PCDHGA4: variants seen among roughly 807,000 people sequenced by gnomAD.
PCDHGA4 encodes protocadherin gamma-A4.
A neutral mutation model predicts 54.6 loss-of-function variants in PCDHGA4; 38 were observed. That is an observed-to-expected ratio of 0.70 (90% CI 0.54 to 0.91). The LOEUF (loss-of-function observed/expected upper bound fraction) is 0.91. Ranked by LOEUF, PCDHGA4 falls within the 40% of genes least tolerant of loss-of-function variation. The pLI is 0.00. For missense variants in PCDHGA4, 1,298 were observed against 1,220.9 expected, an observed-to-expected ratio of 1.06 and a Z score of -0.94; for synonymous variants, 511 against 512.9, an observed-to-expected ratio of 1.00 and a Z score of 0.05.
intron 1 of PCDHGA4, chr5:141,378,251 G>A (rs780385993): frequency 6.6e-6 from 1 of 152,234 alleles, no homozygotes; most frequent in Non-Finnish European, 1.5e-5. Flanking sequence ...ATGGCCGGGT[G>A]CGGTGGCTCA....
intron 1 of PCDHGA4, chr5:141,422,754 C>T: frequency 1.2e-6 from 2 of 1,612,450 alleles, no homozygotes; most frequent in Non-Finnish European, 1.7e-6. Flanking sequence ...TCTCTATTAA[C>T]TCCAACACTG....
rs1307942270 is a variant in PCDHGA4 at position 141,388,326 on chromosome 5, C to A, written c.2514+30705C>A. ...GCTGCAAATAAGTGAGTCTGCACAG[C>A]CTGGCACACGATTTATATTAGGATC... On this transcript the variant is annotated intron_variant, in intron 1 of 3. Transcript: ENST00000571252. 3.7e-6 allele frequency: 6 copies of A among 1,613,760 alleles called. No homozygotes were observed. The highest frequency in any genetic ancestry group is 5.1e-6 in the Non-Finnish European group (6 of 1,179,866).
chr5:141,408,570 T>C (rs1184307323), intron 1 of PCDHGA4: 5 of 1,613,966 alleles, frequency 3.1e-6, no homozygotes, highest in East Asian at 2.2e-5. Context: ...ATTGTGGTGA[T>C]TGAGGATGTT....
chr5:141,362,067 C>T (rs1762309889), intron 1 of PCDHGA4: 3 of 1,612,358 alleles, frequency 1.9e-6, no homozygotes, highest in East Asian at 4.5e-5. Context: ...GCCTGCTGGT[C>T]GCTGTGCGTG....
intron 1 of PCDHGA4, chr5:141,399,810 C>T (rs148150333): frequency 3.9e-5 from 63 of 1,613,194 alleles, no homozygotes; most frequent in Non-Finnish European, 4.9e-5. Flanking sequence ...TGCTGTACCC[C>T]GCGCTGGGTC....
chr5:141,387,782 A>G lies in PCDHGA4; in HGVS notation c.2514+30161A>G, dbSNP rs145228594. 6.9e-3 allele frequency: 10,094 copies of G among 1,466,254 alleles called. 59 individuals are homozygous for G. The highest frequency in any genetic ancestry group is 8.3e-3 in the Non-Finnish European group (9,103 of 1,100,820). 90.8% of individuals were successfully genotyped at this position (1,466,254 alleles called of 1,614,324 possible). On this transcript the variant is annotated intron_variant, in intron 1 of 3. Transcript: ENST00000571252. ...AAGAAGAATTTTTTCTTGAACTGGA[A>G]CTGCAACTAAAGTCCGTTCGGAGAT... is the stretch of plus-strand genomic sequence containing the variant.
At chr5:141,424,610 ATAGAG>A (rs1374272828) in intron 1 of PCDHGA4, 2 of 152,216 alleles carry the variant, frequency 1.3e-5, no homozygotes, top group African/African-American at 4.8e-5. Flanking sequence ...ATTTATTCAA[ATAGAG>A]TAGTTTGTGA....
At chr5:141,467,055 C>CTTTTTTTTTTT (rs1193465269) in intron 1 of PCDHGA4, among the ~76,000 whole-genome samples, 1 of 134,498 alleles carries the variant, frequency 7.4e-6, no homozygotes, top group Non-Finnish European at 1.6e-5. Context: ...TCAATGTTTT[C>CTTTTTTTTTTT]TTTTTTTTTT....
At chr5:141,435,376 A>G (rs1358757887) in intron 1 of PCDHGA4, among the ~76,000 whole-genome samples, 1 of 152,200 alleles carries the variant, frequency 6.6e-6, no homozygotes, top group Non-Finnish European at 1.5e-5. Flanking sequence ...TAAATATACA[A>G]TATACCGTAT....
At chr5:141,510,589 A>G (rs1043188276) in intron 3 of PCDHGA4, among the ~76,000 whole-genome samples, 2 of 152,194 alleles carry the variant, frequency 1.3e-5, no homozygotes, top group African/African-American at 2.4e-5. Context: ...CGTACCTGAC[A>G]TACATTTTCT....
At chr5:141,389,320 T>TG (rs764190187) in intron 1 of PCDHGA4, 4 of 1,613,964 alleles carry the variant, frequency 2.5e-6, no homozygotes, top group Non-Finnish European at 3.4e-6. Context: ...GATCCGGACT[T>TG]GGGGCCCAAC....
intron 2 of PCDHGA4, among the ~76,000 whole-genome samples, chr5:141,504,341 CTTTGTGCTAGGT>C (rs963088433): frequency 3.9e-5 from 6 of 152,020 alleles, no homozygotes; most frequent in African/African-American, 1.4e-4. Flanking sequence ...AAGTGCTAGG[CTTTGTGCTAGGT>C]GCTTCAGTAG....
chr5:141,372,392 T>C (rs1768728273), intron 1 of PCDHGA4: 25 of 1,614,052 alleles, frequency 1.5e-5, no homozygotes, highest in Non-Finnish European at 2.1e-5. Context: ...TCTTCGCAGA[T>C]AGCTTGCAAG....
chr5:141,477,639 G>T lies in PCDHGA4; in HGVS notation c.2515-17168G>T, dbSNP rs2099414883. ...GGAGCTGAAACCGGGCTAGTGGGTCGCTATTTCACAATAAATCGTGACAAT... is the reference window on the plus strand; with the variant it reads ...GGAGCTGAAACCGGGCTAGTGGGTCTCTATTTCACAATAAATCGTGACAAT... On this transcript the variant is annotated intron_variant, in intron 1 of 3. Transcript: ENST00000571252. The surrounding 1 kb of genome is among the most constrained non-coding windows in gnomAD (Gnocchi z 4.9). 3.1e-6 allele frequency: 5 copies of T among 1,614,004 alleles called. No homozygotes were observed. Among genetic ancestry groups the T allele is most frequent in the Non-Finnish European group, 4.2e-6 (5 of 1,180,034 alleles).
chr5:141,478,901 A>T (rs2099483520), intron 1 of PCDHGA4: 2 of 1,002,034 alleles, frequency 2.0e-6, no homozygotes, highest in African/African-American at 3.3e-5. Flanking sequence ...ATTAGGAATA[A>T]GCTGCTGGAT....
chr5:141,449,389 T>C (rs577860793), intron 1 of PCDHGA4, among the ~76,000 whole-genome samples: 5 of 151,964 alleles, frequency 3.3e-5, no homozygotes, highest in African/African-American at 1.2e-4. Flanking sequence ...GGTGGATTAC[T>C]TGAGGCCAGG....
At chr5:141,370,619 T>C (rs760864223) in intron 1 of PCDHGA4, 1 of 1,613,966 alleles carries the variant, frequency 6.2e-7, no homozygotes, top group Non-Finnish European at 8.5e-7. Context: ...AGAAATTCTT[T>C]ACCGTGAGCC....
At chr5:141,443,872 A>C (rs1446612063) in intron 1 of PCDHGA4, among the ~76,000 whole-genome samples, 4 of 152,212 alleles carry the variant, frequency 2.6e-5, no homozygotes, top group African/African-American at 9.7e-5. Flanking sequence ...AAAATTACTG[A>C]TAAGTCAAGA....
chr5:141,360,478 A>C, intron 1 of PCDHGA4: 1 of 1,613,910 alleles, frequency 6.2e-7, no homozygotes, highest in Non-Finnish European at 8.5e-7. Context: ...AAATCCACTA[A>C]ATATTTTCTA....
Sources: gnomAD v4.1 joint callset for allele counts (sites outside exome capture counted in the v4.1 genomes callset) on GRCh38, gnomAD v4.1.1 for gene constraint, Gnocchi (gnomAD v3.1) non-coding constraint, MANE v1.5 for transcripts, NCBI Gene and HGNC (gene_info 2026-07-23, HGNC 2026-07-21) for gene names.